The following GRIK3 variants were observed in gnomAD, a reference collection of about 807,000 sequenced individuals.
GRIK3 encodes the protein glutamate ionotropic receptor kainate type subunit 3.
GRIK3 carries 29 observed loss-of-function variants against 102.5 expected under a neutral mutation model. The ratio of observed to expected loss-of-function variants is 0.28; its 90% CI spans 0.21 to 0.39. GRIK3 has a LOEUF of 0.39. Among genes scored for constraint, GRIK3 ranks in the 10% least tolerant of loss-of-function variants. GRIK3 has a pLI of 1.00. For synonymous variants in GRIK3, 511 were observed against 504.9 expected (o/e 1.01, Z -0.16); for missense variants, 908 against 1,252.4 (o/e 0.73, Z 4.15).
At chr1:36,997,047 T>C (rs1329277804) in intron 1 of GRIK3, among the ~76,000 whole-genome samples, 2 of 152,028 alleles carry the variant, frequency 1.3e-5, no homozygotes, top group African/African-American at 2.4e-5. Context: ...AGAAGGCTGG[T>C]TCTAGGGACA....
chr1:36,849,980 A>C, intron 9 of GRIK3: 1 of 247,202 alleles, frequency 4.0e-6, no homozygotes. Flanking sequence ...TTGCCTGGGA[A>C]CTGGGGTGGG....
intron 1 of GRIK3, among the ~76,000 whole-genome samples, chr1:37,024,531 G>A (rs920994524): frequency 1.5e-4 from 23 of 150,958 alleles, no homozygotes; most frequent in African/African-American, 5.6e-4. Context: ...CAGATCACAA[G>A]GTCAGGAGTT....
chr1:36,938,106 C>G (rs1641679351), intron 1 of GRIK3, among the ~76,000 whole-genome samples: 1 of 152,234 alleles, frequency 6.6e-6, no homozygotes, highest in South Asian at 2.1e-4. Flanking sequence ...AAGACACATG[C>G]AATTTCAGTG....
chr1:36,803,926 A>G (rs116231181), intron 15 of GRIK3, among the ~76,000 whole-genome samples: 1,580 of 152,324 alleles, frequency 0.01, 29 homozygotes, highest in African/African-American at 0.036. Context: ...TCTATCTTTG[A>G]CCACTTACAC....
rs903866735 is a variant in GRIK3 at position 36,801,584 on chromosome 1, C to T, written c.*267G>A. On this transcript the variant is annotated 3_prime_UTR_variant, in exon 16 of 16. Transcript: ENST00000373091. ...GAGTTGAGGGGCAGGTGAGTTTGGC[C>T]TGAGAGAGGCATGTGCTTCCTTTGG... 2 of 353,978 alleles carry T rather than the reference C, an allele frequency of 5.7e-6. No homozygotes were observed. Among genetic ancestry groups the T allele is most frequent in the Non-Finnish European group, 1.0e-5 (2 of 196,272 alleles). 21.9% of individuals were successfully genotyped at this position (353,978 alleles called of 1,614,324 possible). A position where few individuals can be genotyped will look rare whatever the true frequency, so the allele number is the denominator to read the frequency against.
intron 1 of GRIK3, among the ~76,000 whole-genome samples, chr1:36,946,018 G>A (rs1641780583): frequency 6.6e-6 from 1 of 152,244 alleles, no homozygotes; most frequent in African/African-American, 2.4e-5. Flanking sequence ...GGACACCCAT[G>A]AGAATGACTG....
chr1:37,034,092 C>A lies in GRIK3; in HGVS notation c.17G>T (p.Arg6Leu). Residue 6 changes from arginine to leucine, a missense_variant, in exon 1 of 16, where the codon CGG (arginine) becomes CTG (leucine). Arg to Leu is a moderately radical substitution (Grantham distance 102). This residue lies in a region of GRIK3 where 585 missense variants were observed against 824.9 expected (regional missense o/e 0.71). Transcript: ENST00000373091. ...TTCCCAAACCAGACTCCGGAGGCGC[C>A]GCCAGGGAGCGGTCATCGTTGGGCG... MTAPWRRLRSLVWEYW... is the reference protein window; with the variant it reads MTAPWLRLRSLVWEYW... 1.9e-6 allele frequency: 3 copies of A among 1,581,818 alleles called. No homozygotes were observed. The highest frequency in any genetic ancestry group is 2.3e-5 in the South Asian group (2 of 88,146).
At chr1:37,005,700 C>G (rs1033129456) in intron 1 of GRIK3, among the ~76,000 whole-genome samples, 14 of 152,216 alleles carry the variant, frequency 9.2e-5, no homozygotes, top group Admixed American at 7.8e-4. Flanking sequence ...CGTTTGTTCA[C>G]TTGTCAGTCA....
At chr1:36,887,531 T>A (rs1450653424) in intron 2 of GRIK3, among the ~76,000 whole-genome samples, 1 of 151,720 alleles carries the variant, frequency 6.6e-6, no homozygotes, top group Admixed American at 6.6e-5. Flanking sequence ...CTGAGGTGGG[T>A]GGATCACGAG....
In GRIK3 at chr1:36,859,204, G is replaced by A; in HGVS notation, c.1008C>T (p.Cys336=). ...LYDAVHIVSV[C]YQRAPQMTVN... ...CGGTCATCTGTGGTGCCCGCTGGTAGCACACGGACACGATATGGACGGCGT... is the reference window on the plus strand; with the variant it reads ...CGGTCATCTGTGGTGCCCGCTGGTAACACACGGACACGATATGGACGGCGT... Residue 336 remains cysteine, a synonymous_variant, in exon 7 of 16, where the codon TGC becomes TGT. Coordinates refer to ENST00000373091, the MANE Select transcript of GRIK3 (RefSeq NM_000831.4). 6.2e-7 allele frequency: 1 copy of A among 1,613,760 alleles called. No homozygotes were observed. Among genetic ancestry groups the A allele is most frequent in the Non-Finnish European group, 8.5e-7 (1 of 1,179,688 alleles).
chr1:36,939,971 A>T (rs565595706), intron 1 of GRIK3, among the ~76,000 whole-genome samples: 3 of 152,296 alleles, frequency 2.0e-5, no homozygotes, highest in African/African-American at 7.2e-5. Flanking sequence ...CATCCCATTT[A>T]TCAAGGATCT....
intron 2 of GRIK3, among the ~76,000 whole-genome samples, chr1:36,885,259 A>T (rs1641025764): frequency 6.6e-6 from 1 of 152,134 alleles, no homozygotes. Context: ...GTCAGCATTG[A>T]TGAGAGAGGA....
intron 12 of GRIK3, among the ~76,000 whole-genome samples, chr1:36,818,956 C>T (rs1000047506): frequency 3.3e-5 from 5 of 152,144 alleles, no homozygotes; most frequent in Non-Finnish European, 5.9e-5. Context: ...TGGTGGCCAG[C>T]AGGACCAGGG....
At chr1:36,831,654 G>T (rs960313871) in intron 10 of GRIK3, among the ~76,000 whole-genome samples, 1 of 152,204 alleles carries the variant, frequency 6.6e-6, no homozygotes. Context: ...TTCCTGCAAC[G>T]ATGAAAAGGT....
intron 13 of GRIK3, among the ~76,000 whole-genome samples, chr1:36,816,728 G>A (rs1185306131): frequency 6.6e-6 from 1 of 152,178 alleles, no homozygotes; most frequent in Non-Finnish European, 1.5e-5. Flanking sequence ...CCTAGGGCCT[G>A]TGTGTCTGGG....
chr1:36,979,789 G>T (rs1642231313), intron 1 of GRIK3, among the ~76,000 whole-genome samples: 1 of 152,250 alleles, frequency 6.6e-6, no homozygotes, highest in Admixed American at 6.5e-5. Flanking sequence ...AGAAGCCACA[G>T]ATTGCAGAGG....
intron 1 of GRIK3, among the ~76,000 whole-genome samples, chr1:36,912,899 C>A (rs1005022851): frequency 3.3e-5 from 5 of 152,208 alleles, no homozygotes; most frequent in Admixed American, 6.5e-5. Context: ...GAGTTCAGGA[C>A]TTTGATATTT....
At chr1:36,845,393 G>A (rs976432821) in intron 9 of GRIK3, among the ~76,000 whole-genome samples, 5 of 152,138 alleles carry the variant, frequency 3.3e-5, no homozygotes, top group Admixed American at 6.5e-5. Flanking sequence ...AAAAATAACC[G>A]TTTCTGACTT....
In GRIK3 at chr1:36,806,385, C is replaced by A; in HGVS notation, c.2092-59G>T. ...GTTACTAGGCGCACCAGGGACCAAG[C>A]ACCGCATACCCTGCACAACGTGGGT... On this transcript the variant is annotated intron_variant, in intron 13 of 15. Coordinates refer to ENST00000373091, the MANE Select transcript of GRIK3 (RefSeq NM_000831.4). This position sits in a 1 kb window ranked among gnomAD's most constrained non-coding sequence, Gnocchi z 4.0. 2 of 1,046,272 alleles carry A rather than the reference C, an allele frequency of 1.9e-6. No individual in the cohort carries two copies. Among genetic ancestry groups the A allele is most frequent in the Non-Finnish European group, 2.9e-6 (2 of 690,794 alleles). 64.8% of individuals were successfully genotyped at this position (1,046,272 alleles called of 1,614,324 possible). A position where few individuals can be genotyped will look rare whatever the true frequency, so the allele number is the denominator to read the frequency against.
Sources: allele counts gnomAD v4.1 joint callset (sites outside exome capture counted in the v4.1 genomes callset), GRCh38; gene constraint gnomAD v4.1.1; regional missense constraint gnomAD v4.1.1; non-coding constraint Gnocchi (gnomAD v3.1); transcripts MANE v1.5; gene names NCBI Gene and HGNC (gene_info 2026-07-23, HGNC 2026-07-21).